The following LRCH2 variants were observed in gnomAD, a reference collection of about 807,000 sequenced individuals.
The protein encoded by LRCH2 is leucine rich repeats and calponin homology domain containing 2, also known as leucine-rich repeat and calponin homology domain-containing protein 2.
Under a neutral mutation model 68.9 loss-of-function variants are expected in LRCH2, and 38 were observed. The observed-to-expected ratio is 0.55, with a 90% CI of 0.43 to 0.72. The LOEUF is 0.72. Among genes scored for constraint, LRCH2 ranks in the 30% least tolerant of loss-of-function variants. The pLI is 0.00. For missense variants in LRCH2, 528 were observed against 572.9 expected (o/e 0.92, Z 0.80); for synonymous variants, 191 against 208.1 (o/e 0.92, Z 0.71).
At chrX:115,118,039 A>C (rs1389278908) in intron 20 of LRCH2, among the ~76,000 whole-genome samples, 1 of 110,778 alleles carries the variant, frequency 9.0e-6, no homozygotes, top group South Asian at 3.7e-4. Flanking sequence ...AAAGCAATGA[A>C]GCTAAAAATA....
chrX:115,170,451 G>T lies in LRCH2; in HGVS notation c.865-19C>A. The T allele has an allele frequency of 9.5e-7, 1 of 1,047,151 alleles. No homozygotes were observed. The highest frequency in any genetic ancestry group is 1.2e-6 in the Non-Finnish European group (1 of 804,067). The allele number at this position is 1,047,151 out of a possible 1,213,427, so 86.3% of individuals were successfully genotyped here. On this transcript the variant is annotated intron_variant, in intron 5 of 20. Transcript: ENST00000317135. ...AACATATCTGTCAATAAAAAATAAA[G>T]ATTTAATTATATAGTTCCAAATATA...
At chrX:115,205,870 G>A (rs781855811) in intron 1 of LRCH2, among the ~76,000 whole-genome samples, 6 of 110,278 alleles carry the variant, frequency 5.4e-5, no homozygotes, top group African/African-American at 9.9e-5. Flanking sequence ...CCTGGGAGGC[G>A]GAGGTTGCAG....
chrX:115,188,540 C>T (rs1429754344), intron 1 of LRCH2, among the ~76,000 whole-genome samples, 170 bp from the exon 2 acceptor site: 1 of 112,275 alleles, frequency 8.9e-6, no homozygotes, highest in African/African-American at 3.2e-5. Context: ...TTTAGAAATA[C>T]ACTCATACGG....
chrX:115,138,369 T>C (rs1556532698), intron 14 of LRCH2, among the ~76,000 whole-genome samples: 2 of 111,770 alleles, frequency 1.8e-5, no homozygotes, highest in Non-Finnish European at 3.8e-5. Context: ...TCCACAACTA[T>C]TCATTTCTTT....
At chrX:115,184,031 CTTCTT>C (rs782665707) in intron 3 of LRCH2, among the ~76,000 whole-genome samples, 2 of 112,534 alleles carry the variant, frequency 1.8e-5, no homozygotes, top group Admixed American at 9.4e-5. Context: ...CAGACACTCT[CTTCTT>C]TTATCTCCTT....
intron 20 of LRCH2, among the ~76,000 whole-genome samples, chrX:115,116,079 T>C (rs1407038132): frequency 9.0e-6 from 1 of 111,220 alleles, no homozygotes; most frequent in Non-Finnish European, 1.9e-5. Flanking sequence ...GTGAAGAAAT[T>C]AGAACCCTCA....
At chrX:115,145,449 C>A (rs1282394430) in intron 14 of LRCH2, among the ~76,000 whole-genome samples, 4 of 111,031 alleles carry the variant, frequency 3.6e-5, no homozygotes, top group African/African-American at 1.3e-4. Flanking sequence ...GAAATGGGAT[C>A]ACATCAAGTT....
rs909959541 is a variant in LRCH2 at position 115,132,934 on chromosome X, G to C, written c.1696-2735C>G. Among the ~76,000 whole-genome samples, 21 of 111,434 alleles carry C rather than the reference G, an allele frequency of 1.9e-4. No homozygotes were observed. In the Admixed American group the frequency reaches 1.9e-3, roughly 10 times the overall value. On this transcript the variant is annotated intron_variant, in intron 14 of 20. Coordinates refer to ENST00000317135, the MANE Select transcript of LRCH2 (RefSeq NM_020871.4). ...GTTATGAGCAGACCAGATTCTGCTT[G>C]CTCAAACGCCTTACTCCACTTCCTT... is the stretch of plus-strand genomic sequence containing the variant.
intron 12 of LRCH2, among the ~76,000 whole-genome samples, chrX:115,155,071 GAGAGAGAA>G (rs1299908711): frequency 1.9e-5 from 2 of 103,127 alleles, no homozygotes; most frequent in Non-Finnish European, 3.9e-5. Context: ...AAGAGAGAGA[GAGAGAGAA>G]AGAGAAAGAG....
intron 12 of LRCH2, among the ~76,000 whole-genome samples, chrX:115,155,898 T>C (rs2072471125): frequency 8.9e-6 from 1 of 111,848 alleles, no homozygotes; most frequent in African/African-American, 3.2e-5. Flanking sequence ...ATGGGTTAAG[T>C]TAAATATTTT....
At chrX:115,150,146 G>T in intron 12 of LRCH2, 76 bp from the exon 13 acceptor site, 1 of 778,178 alleles carries the variant, frequency 1.3e-6, no homozygotes, top group Non-Finnish European at 1.8e-6. Context: ...AACCTTAGAT[G>T]TTATCTTTTT....
At chrX:115,190,193 A>G (rs1556556904) in intron 1 of LRCH2, 1 of 1,165,778 alleles carries the variant, frequency 8.6e-7, no homozygotes, top group South Asian at 1.9e-5. Context: ...GACCCTGGGG[A>G]TTTTGTCCCT....
chrX:115,212,865 C>T (rs891010011), intron 1 of LRCH2, among the ~76,000 whole-genome samples: 5 of 109,244 alleles, frequency 4.6e-5, no homozygotes, highest in African/African-American at 1.3e-4. Context: ...CCAGCTACTT[C>T]GGAGGCTGAG....
intron 11 of LRCH2, among the ~76,000 whole-genome samples, chrX:115,159,746 C>G (rs1278870747): frequency 2.3e-5 from 1 of 44,184 alleles, no homozygotes; most frequent in African/African-American, 6.6e-5. Context: ...GTGAGACTGT[C>G]TCAAAAAAAA....
chrX:115,149,901 G>T lies in LRCH2; in HGVS notation c.1621C>A (p.Pro541Thr). The change falls in exon 14 of 21, where the codon CCA (proline) becomes ACA (threonine). Residue 541 changes from proline (P) to threonine (T), a missense_variant. Physicochemically the swap from Pro to Thr is conservative, Grantham distance 38. Transcript: ENST00000317135. ...TGCCAGATTATAGGGTGAGATTCTG[G>T]CCACGGTTGTTCATCTATTTGATCC... ...QKDQIDEQPW[P>T]ESHPIIWQSE... 8.3e-7 allele frequency: 1 copy of T among 1,204,242 alleles called. No individual in the cohort carries two copies. The highest frequency in any genetic ancestry group is 1.1e-6 in the Non-Finnish European group (1 of 890,991).
intron 11 of LRCH2, among the ~76,000 whole-genome samples, chrX:115,158,581 A>G (rs782067859): frequency 8.9e-6 from 1 of 112,315 alleles, no homozygotes; most frequent in East Asian, 2.8e-4. Flanking sequence ...TACTTTAATT[A>G]TAACTTTTCA....
Position 115,112,767 on chromosome X carries a change from A to T in LRCH2, c.*449T>A, listed in dbSNP as rs2072052507. 1 of 111,815 alleles carries T rather than the reference A, an allele frequency of 8.9e-6. No homozygotes were observed. The highest frequency in any genetic ancestry group is 3.7e-4 in the South Asian group (1 of 2,713). The allele number at this position is 111,815 out of a possible 1,213,427, so 9.2% of individuals were successfully genotyped here. A position where few individuals can be genotyped will look rare whatever the true frequency, so the allele number is the denominator to read the frequency against. ...CTAGAAAACTAAGACCAAAGATTGA[A>T]GAAATTGTGTATAAACTAGAATTAG... On this transcript the variant is annotated 3_prime_UTR_variant, in exon 21 of 21. Coordinates refer to ENST00000317135, the MANE Select transcript of LRCH2 (RefSeq NM_020871.4).
chrX:115,212,638 T>A (rs1397974024), intron 1 of LRCH2, among the ~76,000 whole-genome samples: 2 of 109,538 alleles, frequency 1.8e-5, no homozygotes, highest in Admixed American at 9.8e-5. Flanking sequence ...TAGCTGGGAC[T>A]ACAAGCATGC....
intron 20 of LRCH2, among the ~76,000 whole-genome samples, chrX:115,119,663 A>C (rs1279670763): frequency 3.2e-4 from 24 of 75,298 alleles, no homozygotes; most frequent in African/African-American, 1.2e-3. Flanking sequence ...GAATTGGAAA[A>C]AACTACTTTA....
Sources: gnomAD v4.1 joint callset for allele counts (sites outside exome capture counted in the v4.1 genomes callset) on GRCh38, gnomAD v4.1.1 for gene constraint, MANE v1.5 for transcripts, NCBI Gene and HGNC (gene_info 2026-07-23, HGNC 2026-07-21) for gene names.